DMRTB1: variants seen among roughly 807,000 people sequenced by gnomAD.
DMRTB1 encodes doublesex- and mab-3-related transcription factor B1.
DMRTB1 carries 9 observed loss-of-function variants against 25.2 expected under a neutral mutation model. The observed-to-expected ratio is 0.36, with a 90% CI of 0.22 to 0.62. DMRTB1 has a LOEUF of 0.62. Ranked by LOEUF, DMRTB1 falls within the 20% of genes least tolerant of loss-of-function variation. The pLI is 0.71. For missense variants in DMRTB1, 551 were observed against 499.3 expected (o/e 1.10, Z -0.99); for synonymous variants, 269 against 238.1 (o/e 1.13, Z -1.20).
At position 53,466,745 on chromosome 1, in the gene DMRTB1, G is replaced by A. The variant is rs989685051; in HGVS notation, c.*83G>A. Reference sequence around the variant, plus strand: ...TTTTCTTGTCTTCATTCAGTGATATGTAGGGAGGAAGGAGGTTGATAGCAT... The same window carrying A: ...TTTTCTTGTCTTCATTCAGTGATATATAGGGAGGAAGGAGGTTGATAGCAT... On this transcript the variant is annotated 3_prime_UTR_variant, in exon 4 of 4. Coordinates refer to ENST00000371445, the MANE Select transcript of DMRTB1 (RefSeq NM_033067.3). 7.1e-7 allele frequency: 1 copy of A among 1,408,728 alleles called. No individual in the cohort carries two copies. The highest frequency in any genetic ancestry group is 1.4e-5 in the African/African-American group (1 of 70,354). 87.3% of individuals were successfully genotyped at this position (1,408,728 alleles called of 1,614,324 possible).
At chr1:53,465,388 C>T (rs72675159) in intron 3 of DMRTB1, among the ~76,000 whole-genome samples, 4,118 of 152,310 alleles carry the variant, frequency 0.027, 67 homozygotes, top group Middle Eastern at 0.088. Context: ...ACTGGATGAT[C>T]CTGGGCACTG....
intron 1 of DMRTB1, among the ~76,000 whole-genome samples, chr1:53,461,170 G>A (rs1327690056): frequency 6.6e-6 from 1 of 152,208 alleles, no homozygotes; most frequent in Admixed American, 6.5e-5. Flanking sequence ...TGACCCGGAG[G>A]AGGAGGAGGA....
In DMRTB1 at chr1:53,459,705, C is replaced by CCCCGCT. The variant is rs923418672; in HGVS notation, c.257_258insTCCCGC (p.Ala86_Pro87dup). ...AGGCCTCCGGGGCTGCGGCCGCCGC[C>CCCCGCT]CCCGCCCCCGTCCCCGTCCCGGCCG... On this transcript the variant is annotated inframe_insertion, in exon 1 of 4. Transcript: ENST00000371445. 6.9e-6 allele frequency: 10 copies of CCCCGCT among 1,453,038 alleles called. No individual in the cohort carries two copies. Among genetic ancestry groups the CCCCGCT allele is most frequent in the Non-Finnish European group, 9.0e-6 (10 of 1,105,196 alleles). 90.0% of individuals were successfully genotyped at this position (1,453,038 alleles called of 1,614,324 possible).
rs761203609 is a variant in DMRTB1, at chr1:53,464,783, G to A, written c.897G>A (p.Pro299=). The change falls in exon 3 of 4, where the codon CCG becomes CCA. Residue 299 remains proline, a synonymous_variant. Coordinates refer to ENST00000371445, the MANE Select transcript of DMRTB1 (RefSeq NM_033067.3). The stretch of plus-strand genomic sequence containing the variant: ...CGCTCCACTTCCTCCCCCCGCCACC[G>A]CCACCACCACCTCCATCATCTTTCT... The part of the protein sequence containing the change: ...LSALHFLPPP[P]PPPPPSSFSL... 5.0e-5 allele frequency: 78 copies of A among 1,568,538 alleles called. No homozygotes were observed. In the South Asian group the frequency reaches 6.3e-4, roughly 13 times the overall value.
chr1:53,464,938 A>G, intron 3 of DMRTB1, 91 bp downstream of exon 3: 1 of 1,547,958 alleles, frequency 6.5e-7, no homozygotes, highest in South Asian at 1.1e-5. Context: ...TTAGGTGTGG[A>G]GAGAAGGGAC....
chr1:53,459,754 G>A lies in DMRTB1; in HGVS notation c.301G>A (p.Gly101Arg). 7.3e-7 allele frequency: 1 copy of A among 1,364,190 alleles called. No homozygotes were observed. The highest frequency in any genetic ancestry group is 1.6e-5 in the African/African-American group (1 of 64,086). 84.5% of individuals were successfully genotyped at this position (1,364,190 alleles called of 1,614,324 possible). The change falls in exon 1 of 4, where the codon GGG (glycine) becomes AGG (arginine). Residue 101 changes from glycine (G) to arginine (R), a missense_variant. Physicochemically the swap from Gly to Arg is moderately radical, Grantham distance 125. Transcript: ENST00000371445. ...CGCGAGCCTCCGCCCGCTGTCCCCG[G>A]GGACTCCCTCCGGAGACGCCGACCC... ...PAASLRPLSP[G>R]TPSGDADPGP... is the part of the protein sequence containing the mutation.
intron 3 of DMRTB1, among the ~76,000 whole-genome samples, chr1:53,465,695 G>T (rs1348665789): frequency 6.6e-6 from 1 of 152,172 alleles, no homozygotes; most frequent in African/African-American, 2.4e-5. Context: ...TGTGTGCAGT[G>T]CCTAGATCCA....
In DMRTB1 at chr1:53,464,630, C is replaced by T. The variant is rs140725492; in HGVS notation, c.751-7C>T. On this transcript the variant is annotated splice_region_variant and splice_polypyrimidine_tract_variant and intron_variant, in intron 2 of 3. Transcript: ENST00000371445. ...CTCTCCGCCTCTCTGCTGTGTGTGC[C>T]GTGCAGGTGTCAGAACCAGGAGGAG... is the stretch of plus-strand genomic sequence containing the variant. 139 of 1,613,084 alleles carry T rather than the reference C, an allele frequency of 8.6e-5. No homozygotes were observed. Among genetic ancestry groups the T allele is most frequent in the Non-Finnish European group, 1.1e-4 (134 of 1,180,024 alleles).
rs1644039585 is a variant in DMRTB1, at chr1:53,464,539, A to C, written c.751-98A>C. ...GTGTTTGGGGCCGTGCATCTACCCC[A>C]TCAGGAGCCCCCCACTTCAGGGGTG... On this transcript the variant is annotated intron_variant, in intron 2 of 3. Transcript: ENST00000371445. The C allele has an allele frequency of 4.4e-6, 7 of 1,590,192 alleles. No homozygotes were observed. The East Asian group carries it at 1.3e-4, about 30-fold the overall frequency.
Position 53,459,600 on chromosome 1 carries a change from C to T in DMRTB1, c.147C>T (p.Ile49=). 1 of 1,590,784 alleles carries T rather than the reference C, an allele frequency of 6.3e-7. No homozygotes were observed. Among genetic ancestry groups the T allele is most frequent in the South Asian group, 1.1e-5 (1 of 88,252 alleles). ...KCYLISERQK[I]MAAQKVLKTQ... ...ACCTGATCTCCGAGCGCCAGAAGAT[C>T]ATGGCCGCGCAGAAGGTGCTCAAGA... Residue 49 remains isoleucine, a synonymous_variant, in exon 1 of 4, where the codon ATC becomes ATT. Coordinates refer to ENST00000371445, the MANE Select transcript of DMRTB1 (RefSeq NM_033067.3).
intron 3 of DMRTB1, among the ~76,000 whole-genome samples, chr1:53,465,254 G>A (rs541616000): frequency 6.6e-6 from 1 of 152,214 alleles, no homozygotes; most frequent in African/African-American, 2.4e-5. Context: ...TAGGGGAGCA[G>A]ATGGAGAGAC....
In DMRTB1 at chr1:53,459,724, C is replaced by T. The variant is rs2100635484; in HGVS notation, c.271C>T (p.Pro91Ser). ...CGCCGCCCCCGCCCCCGTCCCCGTC[C>T]CGGCCGCGAGCCTCCGCCCGCTGTC... ...AAAAPAPVPV[P>S]AASLRPLSPG... Residue 91 changes from proline to serine, a missense_variant, in exon 1 of 4, where the codon CCG becomes TCG. Coordinates refer to ENST00000371445, the MANE Select transcript of DMRTB1 (RefSeq NM_033067.3). The T allele has an allele frequency of 1.4e-6, 2 of 1,380,998 alleles. No homozygotes were observed. Among genetic ancestry groups the T allele is most frequent in the South Asian group, 3.2e-5 (2 of 61,658 alleles). The allele number at this position is 1,380,998 out of a possible 1,614,324, so 85.5% of individuals were successfully genotyped here. A position where few individuals can be genotyped will look rare whatever the true frequency, so the allele number is the denominator to read the frequency against.
chr1:53,466,202 T>G (rs1569655762), intron 3 of DMRTB1, among the ~76,000 whole-genome samples: 1 of 152,252 alleles, frequency 6.6e-6, no homozygotes, highest in East Asian at 1.9e-4. Context: ...GGAAAATCTG[T>G]ATCTGGGCTG....
chr1:53,461,756 T>C (rs1254025058), intron 2 of DMRTB1, 111 bp downstream of exon 2: 11 of 1,318,220 alleles, frequency 8.3e-6, no homozygotes, highest in Non-Finnish European at 1.0e-5. Flanking sequence ...GCCCACGCCA[T>C]GCCAGCCCCC....
At chr1:53,462,734 G>A (rs759263951) in intron 2 of DMRTB1, among the ~76,000 whole-genome samples, 11 of 152,218 alleles carry the variant, frequency 7.2e-5, no homozygotes, top group African/African-American at 2.2e-4. Context: ...TGACAGAGCC[G>A]GGTCGTGCAC....
At chr1:53,466,396 C>T (rs1459470896) in intron 3 of DMRTB1, among the ~76,000 whole-genome samples, 199 bp from the exon 4 acceptor site, 2 of 152,140 alleles carry the variant, frequency 1.3e-5, no homozygotes, top group Non-Finnish European at 2.9e-5. Flanking sequence ...GAGGCCGAGG[C>T]AGGAGAATTG....
chr1:53,460,242 G>A (rs1392421804), intron 1 of DMRTB1: 3 of 646,264 alleles, frequency 4.6e-6, no homozygotes, highest in Admixed American at 3.8e-5. Context: ...GGGCGGTTCA[G>A]AGGGCTTTTA....
At chr1:53,460,880 G>A (rs939480458) in intron 1 of DMRTB1, among the ~76,000 whole-genome samples, 2 of 152,168 alleles carry the variant, frequency 1.3e-5, no homozygotes, top group Non-Finnish European at 2.9e-5. Flanking sequence ...CCGCAGGCTC[G>A]TCCCGCCCCC....
intron 2 of DMRTB1, among the ~76,000 whole-genome samples, chr1:53,464,397 G>C (rs1644039037): frequency 6.6e-6 from 1 of 152,206 alleles, no homozygotes. Context: ...GAAGGGCTCT[G>C]TCACTGTGAC....
Sources: gnomAD v4.1 joint callset for allele counts (sites outside exome capture counted in the v4.1 genomes callset) on GRCh38, gnomAD v4.1.1 for gene constraint, MANE v1.5 for transcripts, NCBI Gene and HGNC (gene_info 2026-07-23, HGNC 2026-07-21) for gene names.